The following FKBP5 variants were observed in gnomAD, a reference collection of about 807,000 sequenced individuals.
FKBP5 encodes the protein FKBP prolyl isomerase 5.
In FKBP5, 23 loss-of-function variants were observed where a neutral mutation model predicts 50.5. The observed-to-expected ratio is 0.46, with a 90% CI of 0.33 to 0.65. FKBP5 has a LOEUF of 0.65. FKBP5 is among the 30% of genes least tolerant of loss of function. The pLI is 0.02. For missense variants in FKBP5, 411 were observed against 553.1 expected (o/e 0.74, Z 2.58); for synonymous variants, 176 against 190.6 (o/e 0.92, Z 0.63).
chr6:35,615,157 CACA>C (rs1278083020), intron 5 of FKBP5, among the ~76,000 whole-genome samples: 1 of 126,992 alleles, frequency 7.9e-6, no homozygotes, highest in Admixed American at 7.5e-5. Flanking sequence ...ACAACAACTA[CACA>C]CACACACACA....
chr6:35,708,981 T>C (rs1428685123), intron 2 of FKBP5, among the ~76,000 whole-genome samples: 1 of 152,210 alleles, frequency 6.6e-6, no homozygotes, highest in Non-Finnish European at 1.5e-5. Flanking sequence ...AAGACACTGA[T>C]ATTTTTAATT....
intron 2 of FKBP5, among the ~76,000 whole-genome samples, chr6:35,701,479 G>A (rs1369529483): frequency 6.6e-6 from 1 of 151,750 alleles, no homozygotes; most frequent in Non-Finnish European, 1.5e-5. Context: ...TCCTGACCTC[G>A]TGATCCGCCC....
At chr6:35,643,222 G>A (rs1764543853) in intron 1 of FKBP5, among the ~76,000 whole-genome samples, 2 of 152,158 alleles carry the variant, frequency 1.3e-5, no homozygotes, top group Admixed American at 6.5e-5. Flanking sequence ...AATAAAAGAA[G>A]TGACAATATA....
intron 8 of FKBP5, chr6:35,583,511 T>C: frequency 1.0e-6 from 1 of 985,416 alleles, no homozygotes; most frequent in Non-Finnish European, 1.2e-6. Flanking sequence ...AACTTCCAAT[T>C]AGCGAAAAGT....
At chr6:35,709,839 T>C (rs896879069) in intron 2 of FKBP5, among the ~76,000 whole-genome samples, 3 of 151,626 alleles carry the variant, frequency 2.0e-5, no homozygotes, top group Non-Finnish European at 4.4e-5. Flanking sequence ...CAGCAATATA[T>C]ATTGTGCATC....
intron 2 of FKBP5, among the ~76,000 whole-genome samples, chr6:35,638,914 T>C (rs1400579946): frequency 1.3e-5 from 2 of 152,200 alleles, no homozygotes; most frequent in African/African-American, 4.8e-5. Context: ...TCTAGGACTA[T>C]AAACAGTAAC....
At chr6:35,674,063 T>C (rs1765464017) in intron 1 of FKBP5, among the ~76,000 whole-genome samples, 1 of 152,130 alleles carries the variant, frequency 6.6e-6, no homozygotes, top group Non-Finnish European at 1.5e-5. Flanking sequence ...CTTTCCACCT[T>C]ATGGCTTGAT....
rs1027432365 is a variant in FKBP5, at chr6:35,574,257, G to C, written c.*1578C>G. On this transcript the variant is annotated 3_prime_UTR_variant, in exon 11 of 11. Transcript: ENST00000357266. ...AATAACTTGATTTTTAGGTTTGAAGGGGGTCCCAATCTAATAATAAAAGTC... is the reference window on the plus strand; with the variant it reads ...AATAACTTGATTTTTAGGTTTGAAGCGGGTCCCAATCTAATAATAAAAGTC... The C allele has an allele frequency of 1.3e-5, 2 of 152,044 alleles. No individual in the cohort carries two copies. Among genetic ancestry groups the C allele is most frequent in the African/African-American group, 4.8e-5 (2 of 41,398 alleles). The allele number at this position is 152,044 out of a possible 1,614,324, so 9.4% of individuals were successfully genotyped here. A position where few individuals can be genotyped will look rare whatever the true frequency, so the allele number is the denominator to read the frequency against.
chr6:35,574,285 T>C lies in FKBP5; in HGVS notation c.*1550A>G, dbSNP rs539553812. On this transcript the variant is annotated 3_prime_UTR_variant, in exon 11 of 11. Transcript: ENST00000357266. ...GTCCCAATCTAATAATAAAAGTCTT[T>C]TGATAAAACCATCATAAAAATAAAA... 2 of 152,350 alleles carry C rather than the reference T, an allele frequency of 1.3e-5. No homozygotes were observed. The highest frequency in any genetic ancestry group is 2.1e-4 in the South Asian group (1 of 4,832). 9.4% of individuals were successfully genotyped at this position (152,350 alleles called of 1,614,324 possible).
intron 4 of FKBP5, among the ~76,000 whole-genome samples, chr6:35,619,713 C>T (rs971952258): frequency 1.3e-5 from 2 of 152,186 alleles, no homozygotes; most frequent in Admixed American, 1.3e-4. Flanking sequence ...AATGTTTTAT[C>T]ACCACCAACG....
chr6:35,641,800 T>C (rs1451185450), intron 2 of FKBP5, among the ~76,000 whole-genome samples: 1 of 150,698 alleles, frequency 6.6e-6, no homozygotes, highest in East Asian at 2.0e-4. Context: ...AGGTCAGGAG[T>C]TCAAGACCAG....
intron 5 of FKBP5, among the ~76,000 whole-genome samples, chr6:35,611,784 G>C (rs1054579967): frequency 6.6e-6 from 1 of 152,018 alleles, no homozygotes; most frequent in African/African-American, 2.4e-5. Context: ...GTAACCATTA[G>C]GATCCTCATA....
At chr6:35,620,625 T>A (rs1763804299) in intron 3 of FKBP5, among the ~76,000 whole-genome samples, 2 of 150,732 alleles carry the variant, frequency 1.3e-5, no homozygotes, top group South Asian at 4.2e-4. Flanking sequence ...TGCACACCTG[T>A]AGTCCCAGCT....
chr6:35,616,015 T>G (rs1206655861), intron 5 of FKBP5, among the ~76,000 whole-genome samples: 2 of 152,106 alleles, frequency 1.3e-5, no homozygotes, highest in Non-Finnish European at 2.9e-5. Flanking sequence ...TCAGTTGTAT[T>G]CAAAATAGTA....
At chr6:35,657,506 T>C (rs1764988470) in intron 1 of FKBP5, among the ~76,000 whole-genome samples, 1 of 152,250 alleles carries the variant, frequency 6.6e-6, no homozygotes, top group South Asian at 2.1e-4. Context: ...TCTCTCTCTC[T>C]GACTATAGTT....
At chr6:35,727,765 G>C (rs1766747054) in intron 1 of FKBP5, among the ~76,000 whole-genome samples, 2 of 152,334 alleles carry the variant, frequency 1.3e-5, no homozygotes, top group African/African-American at 2.4e-5. Flanking sequence ...GAGAAGCACG[G>C]ACTGAGCGCT....
rs375590791 is a variant in FKBP5 at position 35,712,071 on chromosome 6, C to T, written c.-20+8257G>A. Among the ~76,000 whole-genome samples the T allele has an allele frequency of 6.7e-5, 10 of 149,628 alleles. No individual in the cohort carries two copies. The East Asian group carries it at 9.8e-4, about 15-fold the overall frequency. On this transcript the variant is annotated intron_variant, in intron 2 of 11. Coordinates refer to the FKBP5 transcript ENST00000536438. ...AAAAAAAAAAAAAAAGTAGAAACAG[C>T]GTGTCCCTATGTCGCCCAGGCTGGC... is the stretch of plus-strand genomic sequence containing the variant.
chr6:35,704,924 G>A (rs1342121344), intron 2 of FKBP5, among the ~76,000 whole-genome samples: 6 of 151,548 alleles, frequency 4.0e-5, no homozygotes, highest in Admixed American at 2.6e-4. Context: ...GGCGGATCAC[G>A]AGGTCAGGAA....
chr6:35,581,757 C>G (rs940365391), intron 8 of FKBP5: 1 of 985,310 alleles, frequency 1.0e-6, no homozygotes, highest in Non-Finnish European at 1.2e-6. Context: ...AAGCTCAAAA[C>G]CACAGATGAT....
Sources: gnomAD v4.1 joint callset for allele counts (sites outside exome capture counted in the v4.1 genomes callset) on GRCh38, gnomAD v4.1.1 for gene constraint, MANE v1.5 for transcripts, NCBI Gene and HGNC (gene_info 2026-07-23, HGNC 2026-07-21) for gene names.